Variants in CSMD1 observed in about 807,000 individuals in gnomAD.
CSMD1 encodes the protein CUB and sushi domain-containing protein 1.
In CSMD1, 213 loss-of-function variants were observed where a neutral mutation model predicts 417.5. The observed-to-expected ratio is 0.51, with a 90% confidence interval of 0.46 to 0.57. The LOEUF (loss-of-function observed/expected upper bound fraction) is 0.57. CSMD1 is among the 20% of genes least tolerant of loss of function. The probability of loss-of-function intolerance (pLI) is 0.00; values close to 1 mark genes in which losing one functional copy is unlikely to be tolerated. For missense variants in CSMD1, 6,923 were observed against 4,529.7 expected (o/e 1.53, Z -15.17); for synonymous variants, 2,862 against 1,736.8 (o/e 1.65, Z -16.11).
At chr8:4,228,927 A>G (rs984159543) in intron 3 of CSMD1, among the ~76,000 whole-genome samples, 8 of 152,028 alleles carry the variant, frequency 5.3e-5, no homozygotes, top group Non-Finnish European at 8.8e-5. Context: ...TCGGTCTCCA[A>G]AAGTGCTGGG....
At chr8:4,446,883 T>C (rs1262453500) in intron 2 of CSMD1, among the ~76,000 whole-genome samples, 1 of 151,122 alleles carries the variant, frequency 6.6e-6, no homozygotes, top group Non-Finnish European at 1.5e-5. Flanking sequence ...GGCCTCCCAA[T>C]GTTCTGGGAT....
intron 5 of CSMD1, among the ~76,000 whole-genome samples, chr8:3,782,895 A>T (rs937196560): frequency 6.6e-6 from 1 of 152,218 alleles, no homozygotes; most frequent in East Asian, 1.9e-4. Flanking sequence ...ATTACCAAAA[A>T]ATAAATAAAT....
chr8:3,910,095 G>C (rs1256677221), intron 5 of CSMD1, among the ~76,000 whole-genome samples: 1 of 152,162 alleles, frequency 6.6e-6, no homozygotes, highest in Non-Finnish European at 1.5e-5. Flanking sequence ...ATTGGGGAAA[G>C]GAGAACGGAA....
intron 5 of CSMD1, among the ~76,000 whole-genome samples, chr8:3,907,355 A>G (rs1043080266): frequency 1.3e-5 from 2 of 152,194 alleles, no homozygotes; most frequent in Non-Finnish European, 1.5e-5. Flanking sequence ...GAAAAAACAA[A>G]TAAGTTCAAT....
rs1436233118 is a variant in CSMD1 at position 3,384,895 on chromosome 8, T to C, written c.2782+2599A>G. Among the ~76,000 whole-genome samples the C allele has an allele frequency of 2.3e-3, 284 of 122,220 alleles. 1 individual carries two copies. The highest frequency in any genetic ancestry group is 4.2e-3 in the Non-Finnish European group (270 of 63,676). The allele number at this position is 122,220 out of a possible 152,430, so 80.2% of individuals were successfully genotyped here. A position where few individuals can be genotyped will look rare whatever the true frequency, so the allele number is the denominator to read the frequency against. ...ATATTATATATGCAAATATATAATA[T>C]ATATTATATATGCTTATATATTACA... On this transcript the variant is annotated intron_variant, in intron 18 of 69. Transcript: ENST00000635120.
intron 1 of CSMD1, among the ~76,000 whole-genome samples, chr8:4,960,712 C>T (rs375958059): frequency 3.3e-5 from 5 of 151,938 alleles, no homozygotes; most frequent in East Asian, 1.9e-4. Flanking sequence ...AGTTTTAGTC[C>T]GGTAGTTTCC....
chr8:4,468,354 CT>C (rs1800318089), intron 2 of CSMD1, among the ~76,000 whole-genome samples: 1 of 152,088 alleles, frequency 6.6e-6, no homozygotes, highest in Non-Finnish European at 1.5e-5. Flanking sequence ...ATCACAAAAC[CT>C]TTTAAAAACC....
At chr8:2,947,633 T>G (rs899320502) in intron 68 of CSMD1, among the ~76,000 whole-genome samples, 1 of 151,642 alleles carries the variant, frequency 6.6e-6, no homozygotes, top group Admixed American at 6.6e-5. Context: ...TCAGTCAACT[T>G]AGACATCTAC....
At chr8:4,383,737 G>T (rs961018863) in intron 3 of CSMD1, among the ~76,000 whole-genome samples, 1 of 150,220 alleles carries the variant, frequency 6.7e-6, no homozygotes, top group Admixed American at 6.6e-5. Flanking sequence ...TTCCACATGT[G>T]CAGATAAAAA....
At chr8:4,297,335 T>TA (rs939330129) in intron 3 of CSMD1, among the ~76,000 whole-genome samples, 54 of 151,966 alleles carry the variant, frequency 3.6e-4, no homozygotes, top group Non-Finnish European at 5.9e-4. Flanking sequence ...AATCCAAATC[T>TA]AAAAAAACAA....
intron 1 of CSMD1, among the ~76,000 whole-genome samples, chr8:4,760,225 A>G (rs543986478): frequency 2.0e-5 from 3 of 152,210 alleles, no homozygotes; most frequent in African/African-American, 7.2e-5. Flanking sequence ...ATCTATTGTT[A>G]TATGCACTAT....
chr8:4,281,246 G>A (rs114807694), intron 3 of CSMD1, among the ~76,000 whole-genome samples: 1 of 152,140 alleles, frequency 6.6e-6, no homozygotes, highest in African/African-American at 2.4e-5. Flanking sequence ...TGATCTCAGG[G>A]AATTAAAATA....
At chr8:2,949,665 A>C (rs1031099653) in intron 67 of CSMD1, among the ~76,000 whole-genome samples, 1 of 111,482 alleles carries the variant, frequency 9.0e-6, no homozygotes, top group Non-Finnish European at 2.2e-5. Flanking sequence ...TGTTAACTGC[A>C]CTTTCTAAGG....
Position 4,602,753 on chromosome 8 carries a change from G to C in CSMD1, c.302+34589C>G, listed in dbSNP as rs73659143. On this transcript the variant is annotated intron_variant, in intron 2 of 69. Coordinates refer to ENST00000635120, the MANE Select transcript of CSMD1 (RefSeq NM_033225.6). The stretch of plus-strand genomic sequence containing the variant: ...CCAGCATCTACAGATAACTACTGCA[G>C]AAAAATCTATAATAAGCATTGTCTA... Among the ~76,000 whole-genome samples the C allele has an allele frequency of 2.5e-3, 380 of 152,140 alleles. 2 individuals are homozygous for C. The highest frequency in any genetic ancestry group is 8.8e-3 in the African/African-American group (366 of 41,518).
At chr8:4,259,260 A>G (rs529137754) in intron 3 of CSMD1, among the ~76,000 whole-genome samples, 1 of 152,266 alleles carries the variant, frequency 6.6e-6, no homozygotes, top group South Asian at 2.1e-4. Context: ...TTCCTAAACA[A>G]GCAACCCCCC....
At chr8:3,793,599 G>C (rs1799872578) in intron 5 of CSMD1, among the ~76,000 whole-genome samples, 3 of 151,780 alleles carry the variant, frequency 2.0e-5, no homozygotes, top group Admixed American at 2.0e-4. Flanking sequence ...TGCCTCTCTT[G>C]CAGTAAACCT....
chr8:4,517,585 C>G (rs1585191930), intron 2 of CSMD1, among the ~76,000 whole-genome samples: 1 of 152,054 alleles, frequency 6.6e-6, no homozygotes, highest in African/African-American at 2.4e-5. Context: ...AGAGTTAATA[C>G]CAAATATGTA....
intron 4 of CSMD1, among the ~76,000 whole-genome samples, chr8:4,016,788 T>G (rs1796544279): frequency 6.6e-6 from 1 of 152,288 alleles, no homozygotes; most frequent in African/African-American, 2.4e-5. Flanking sequence ...TATAGTTGGG[T>G]TTTTTTGGTC....
chr8:3,682,720 C>T (rs1026694836), intron 7 of CSMD1, among the ~76,000 whole-genome samples: 6 of 152,170 alleles, frequency 3.9e-5, no homozygotes, highest in Admixed American at 2.0e-4. Flanking sequence ...AAAAATCATG[C>T]TGTTATAAAG....
Sources: gnomAD v4.1 joint callset for allele counts (sites outside exome capture counted in the v4.1 genomes callset) on GRCh38, gnomAD v4.1.1 for gene constraint, MANE v1.5 for transcripts, NCBI Gene and HGNC (gene_info 2026-07-23, HGNC 2026-07-21) for gene names.